The following CCL24 variants were observed in gnomAD, a reference collection of about 807,000 sequenced individuals.
CCL24 encodes C-C motif chemokine 24.
In CCL24, 6 loss-of-function variants were observed where a neutral mutation model predicts 8.6. That is an observed-to-expected ratio of 0.70 (90% confidence interval 0.38 to 1.38). The LOEUF is 1.38. Ranked by LOEUF, CCL24 falls within the 40% of genes most tolerant of loss-of-function variation. CCL24 has a pLI of 0.02. For missense variants in CCL24, 126 were observed against 147.1 expected, an observed-to-expected ratio of 0.86 and a Z score of 0.74; for synonymous variants, 59 against 52.7, an observed-to-expected ratio of 1.12 and a Z score of -0.52.
At chr7:75,817,630 G>A (rs62477637), upstream of CCL24, among the ~76,000 whole-genome samples, 3 of 151,226 alleles carry the variant, frequency 2.0e-5, no homozygotes, top group Non-Finnish European at 4.4e-5. Flanking sequence ...AGCCTCCTGA[G>A]TAGCTGGGAT....
At chr7:75,815,202 G>A (rs186035331), upstream of CCL24, among the ~76,000 whole-genome samples, 93 of 152,024 alleles carry the variant, frequency 6.1e-4, no homozygotes, top group Non-Finnish European at 1.0e-3. Context: ...AGCCAGGCAC[G>A]GTGGTATGCG....
intron 1 of CCL24, among the ~76,000 whole-genome samples, chr7:75,821,927 C>CAAA: frequency 1.3e-5 from 1 of 74,190 alleles, no homozygotes; most frequent in African/African-American, 4.4e-5. Context: ...GACTCCGTCT[C>CAAA]AAAAAAAAAA....
chr7:75,813,858 C>T (rs1293471666), upstream of CCL24: 18 of 586,868 alleles, frequency 3.1e-5, no homozygotes, highest in Admixed American at 3.3e-4. Flanking sequence ...AGGAAACACG[C>T]CCCCGAGCCC....
upstream of CCL24, chr7:75,813,838 G>A (rs1803830199): frequency 4.3e-6 from 3 of 694,002 alleles, no homozygotes; most frequent in Admixed American, 6.6e-5. Flanking sequence ...CCCTTTATGG[G>A]GCAACTAGAA....
intron 1 of CCL24, among the ~76,000 whole-genome samples, chr7:75,821,438 C>A (rs938813423): frequency 6.6e-6 from 1 of 152,014 alleles, no homozygotes; most frequent in East Asian, 1.9e-4. Context: ...CTCAGGATTC[C>A]ATTTGCTGAG....
At chr7:75,820,151 CCTTCTCCTTCTCCTTCTCCTT>C (rs1366843752) in intron 1 of CCL24, among the ~76,000 whole-genome samples, 6 of 39,810 alleles carry the variant, frequency 1.5e-4, no homozygotes, top group Admixed American at 8.0e-4. Context: ...TCCTCCTCCT[CCTTCTCCTTCTCCTTCTCCTT>C]CTCCTTCTCC....
chr7:75,820,154 T>TC lies in CCL24; in HGVS notation c.-60+3167dup, dbSNP rs1804014582. Among the ~76,000 whole-genome samples the TC allele has an allele frequency of 6.3e-5, 3 of 47,572 alleles. No individual in the cohort carries two copies. In the Admixed American group the frequency reaches 7.8e-4, roughly 12 times the overall value. 31.2% of individuals were successfully genotyped at this position (47,572 alleles called of 152,430 possible). A position where few individuals can be genotyped will look rare whatever the true frequency, so the allele number is the denominator to read the frequency against. ...TTCTCCTCCTCCTCCTCCTCCTCCT[T>TC]CTCCTTCTCCTTCTCCTTCTCCTTC... is the stretch of plus-strand genomic sequence containing the variant. On this transcript the variant is annotated intron_variant, in intron 1 of 3. Coordinates refer to the CCL24 transcript ENST00000416943.
intron 1 of CCL24, among the ~76,000 whole-genome samples, chr7:75,820,102 T>TC (rs1563353959): frequency 1.5e-4 from 18 of 121,854 alleles, no homozygotes; most frequent in East Asian, 7.0e-4. Context: ...TTCTTCTTCT[T>TC]CTTCCTTCTT....
In CCL24 at chr7:75,813,695, T is replaced by C; in HGVS notation, c.21A>G (p.Ile7Met). Residue 7 changes from isoleucine to methionine, a missense_variant, in exon 1 of 3, where the codon ATA (isoleucine) becomes ATG (methionine). Coordinates refer to ENST00000222902, the MANE Select transcript of CCL24 (RefSeq NM_002991.3). ...CACCAAGGAACAGAAGGCTGGTTAC[T>C]ATGGTCATCAGGCCTGCCATGTCTC... MAGLMT[I>M]VTSLLFLGVC... 1 of 1,614,038 alleles carries C rather than the reference T, an allele frequency of 6.2e-7. No individual in the cohort carries two copies. Among genetic ancestry groups the C allele is most frequent in the Non-Finnish European group, 8.5e-7 (1 of 1,179,900 alleles).
In CCL24 at chr7:75,811,693, C is replaced by G. The variant is rs1057099239; in HGVS notation, c.*103G>C. On this transcript the variant is annotated 3_prime_UTR_variant, in exon 3 of 3. Transcript: ENST00000222902. ...ATCCCTGGAGAGTGTTGCTAAGAAA[C>G]AGGAAAATTAGCTCTTCCCCCCATC... is the stretch of plus-strand genomic sequence containing the variant. 3 of 1,040,560 alleles carry G rather than the reference C, an allele frequency of 2.9e-6. No individual in the cohort carries two copies. The highest frequency in any genetic ancestry group is 2.8e-4 in the Middle Eastern group (1 of 3,572). The allele number at this position is 1,040,560 out of a possible 1,614,324, so 64.5% of individuals were successfully genotyped here.
At chr7:75,814,730 C>G (rs2115785774), upstream of CCL24, among the ~76,000 whole-genome samples, 1 of 152,124 alleles carries the variant, frequency 6.6e-6, no homozygotes, top group East Asian at 1.9e-4. Flanking sequence ...CACCAAGATT[C>G]TAGGGAAGTG....
intron 1 of CCL24, among the ~76,000 whole-genome samples, chr7:75,820,945 A>ATCCG (rs1554535033): frequency 2.0e-5 from 3 of 151,820 alleles, no homozygotes; most frequent in Non-Finnish European, 4.4e-5. Flanking sequence ...CCATCCATCC[A>ATCCG]TCCATCCATC....
chr7:75,811,335 T>A lies in CCL24; in HGVS notation c.*461A>T, dbSNP rs1554533382. ...CTCTACTAAAAATACAAAAGTTAGT[T>A]GGGTGTGGTGGTACACACCTGTAGT... On this transcript the variant is annotated 3_prime_UTR_variant, in exon 3 of 3. Transcript: ENST00000222902. 2.0e-5 allele frequency among the ~76,000 whole-genome samples: 3 copies of A among 151,738 alleles called. No homozygotes were observed. The highest frequency in any genetic ancestry group is 2.0e-4 in the Admixed American group (3 of 15,228).
At chr7:75,820,766 T>C (rs1416171611) in intron 1 of CCL24, among the ~76,000 whole-genome samples, 4 of 148,036 alleles carry the variant, frequency 2.7e-5, no homozygotes, top group Admixed American at 6.7e-5. Context: ...CCTCCACCCA[T>C]CCATCCATTC....
Position 75,813,310 on chromosome 7 carries a change from C to T in CCL24, c.187G>A (p.Val63Met), listed in dbSNP as rs1252330251. 2 of 1,595,836 alleles carry T rather than the reference C, an allele frequency of 1.3e-6. No individual in the cohort carries two copies. Among genetic ancestry groups the T allele is most frequent in the Non-Finnish European group, 1.7e-6 (2 of 1,164,020 alleles). The change falls in exon 2 of 3, where the codon GTG becomes ATG. Residue 63 changes from valine (V) to methionine (M), a missense_variant. Coordinates refer to ENST00000222902, the MANE Select transcript of CCL24 (RefSeq NM_002991.3). ...GTGCCCATGAAGGATACCTACATCA[C>T]TCCTGCCTTGAGGCATGTGCTCCTG... The part of the protein sequence containing the change: ...SSRSTCLKAG[V>M]IFTTKKGQQF...
At chr7:75,819,265 TC>T (rs1477646991) in intron 1 of CCL24, among the ~76,000 whole-genome samples, 1 of 26,196 alleles carries the variant, frequency 3.8e-5, no homozygotes, top group Non-Finnish European at 6.4e-5. Context: ...TGAAACTCCG[TC>T]TCAAAAAAAA....
upstream of CCL24, among the ~76,000 whole-genome samples, chr7:75,814,398 T>G (rs965757528): frequency 5.9e-5 from 9 of 151,908 alleles, no homozygotes; most frequent in Non-Finnish European, 1.3e-4. Flanking sequence ...AGACCCTATC[T>G]CTATAAAAAA....
At chr7:75,818,541 C>T (rs187827911), upstream of CCL24, among the ~76,000 whole-genome samples, 2 of 150,836 alleles carry the variant, frequency 1.3e-5, no homozygotes, top group East Asian at 3.9e-4. Context: ...TTTGGGAGGC[C>T]GAGGTGGGAG....
At position 75,823,043 on chromosome 7, in the gene CCL24, T is replaced by C; in HGVS notation, c.-60+279A>G. On this transcript the variant is annotated intron_variant, in intron 1 of 3. Coordinates refer to the CCL24 transcript ENST00000416943. ...CTGCTCTCCGATCCACCCCTTACTTTAGACTCTCACGGCCACCAGCTTTGC... is the reference window on the plus strand; with the variant it reads ...CTGCTCTCCGATCCACCCCTTACTTCAGACTCTCACGGCCACCAGCTTTGC... Among the ~76,000 whole-genome samples, 2 of 152,170 alleles carry C rather than the reference T, an allele frequency of 1.3e-5. 1 individual carries two copies. Among genetic ancestry groups the C allele is most frequent in the Non-Finnish European group, 2.9e-5 (2 of 68,034 alleles).
Sources: allele counts gnomAD v4.1 joint callset (sites outside exome capture counted in the v4.1 genomes callset), GRCh38; gene constraint gnomAD v4.1.1; transcripts MANE v1.5; gene names NCBI Gene and HGNC (gene_info 2026-07-23, HGNC 2026-07-21).